The following PCDH15 variants were observed in gnomAD, a reference collection of about 807,000 sequenced individuals.
PCDH15 encodes the protein protocadherin-15.
In PCDH15, 129 loss-of-function variants were observed where a neutral mutation model predicts 178.5. The observed-to-expected ratio is 0.72, with a 90% CI of 0.63 to 0.84. The LOEUF is 0.84. Ranked by LOEUF, PCDH15 falls within the 40% of genes least tolerant of loss-of-function variation. PCDH15 has a pLI of 0.00. For missense variants in PCDH15, 2,230 were observed against 2,099.9 expected (o/e 1.06, Z -1.21); for synonymous variants, 800 against 732.0 (o/e 1.09, Z -1.50).
intron 11 of PCDH15, among the ~76,000 whole-genome samples, chr10:54,190,913 T>C (rs2048932217): frequency 1.3e-5 from 2 of 152,228 alleles, no homozygotes; most frequent in Admixed American, 1.3e-4. Flanking sequence ...TTCATAGATT[T>C]ATTTTGTGTG....
chr10:55,599,856 A>C, intron 2 of PCDH15: 1 of 1,318,412 alleles, frequency 7.6e-7, no homozygotes. Flanking sequence ...CTGAACTTGC[A>C]AAGGTAGCAT....
intron 3 of PCDH15, among the ~76,000 whole-genome samples, chr10:54,434,928 A>G (rs184085731): frequency 7.7e-4 from 117 of 152,330 alleles, no homozygotes; most frequent in Non-Finnish European, 1.3e-3. Flanking sequence ...CAACACATCT[A>G]TTTTTAGTAG....
At chr10:54,011,172 C>A (rs1277299868) in intron 20 of PCDH15, among the ~76,000 whole-genome samples, 1 of 152,282 alleles carries the variant, frequency 6.6e-6, no homozygotes, top group South Asian at 2.1e-4. Context: ...AGGTTGAGCA[C>A]CCAGGGACAA....
intron 2 of PCDH15, among the ~76,000 whole-genome samples, chr10:54,971,997 C>T (rs185809482): frequency 1.1e-3 from 171 of 152,204 alleles, no homozygotes; most frequent in African/African-American, 4.0e-3. Flanking sequence ...TCATTAACTA[C>T]GGATACAAAC....
rs1301789219 is a variant in PCDH15, at chr10:54,185,281, A to G, written c.1306-13T>C. 1.2e-6 allele frequency: 2 copies of G among 1,613,324 alleles called. No individual in the cohort carries two copies. Among genetic ancestry groups the G allele is most frequent in the East Asian group, 2.2e-5 (1 of 44,796 alleles). ...CTGGGTCTTTTGTCTTTGAAAAAAA[A>G]TGACATCGTTTCAAACGTTGAATAA... On this transcript the variant is annotated splice_polypyrimidine_tract_variant and intron_variant, in intron 11 of 37. Transcript: ENST00000644397.
intron 3 of PCDH15, among the ~76,000 whole-genome samples, chr10:54,388,332 T>C (rs1455934002): frequency 6.6e-6 from 1 of 152,160 alleles, no homozygotes; most frequent in Non-Finnish European, 1.5e-5. Context: ...AGAACCCAAA[T>C]GTCACCCAGC....
rs150105002 is a variant in PCDH15, at chr10:54,048,162, T to C, written c.2220+18595A>G. 3.2e-4 allele frequency among the ~76,000 whole-genome samples: 48 copies of C among 152,286 alleles called. 1 individual carries two copies. The highest frequency in any genetic ancestry group is 1.1e-3 in the African/African-American group (45 of 41,574). On this transcript the variant is annotated intron_variant, in intron 18 of 37. Coordinates refer to ENST00000644397, the MANE Select transcript of PCDH15 (RefSeq NM_001384140.1). Reference sequence around the variant, plus strand: ...ATATGCATTTCTTGATGATTTATGATGTGGATCATTTTTTCATTTGTTTGT... The same window carrying C: ...ATATGCATTTCTTGATGATTTATGACGTGGATCATTTTTTCATTTGTTTGT...
chr10:54,535,405 C>A (rs1028470424), intron 2 of PCDH15, among the ~76,000 whole-genome samples: 1 of 151,988 alleles, frequency 6.6e-6, no homozygotes, highest in Non-Finnish European at 1.5e-5. Flanking sequence ...AGACCAGAAG[C>A]CCATACTTAG....
intron 3 of PCDH15, among the ~76,000 whole-genome samples, chr10:54,393,263 T>C (rs1950777023): frequency 6.6e-6 from 1 of 152,162 alleles, no homozygotes; most frequent in African/African-American, 2.4e-5. Flanking sequence ...GGCAACACAA[T>C]CATATCTCCA....
chr10:54,862,789 G>A (rs1459596072), intron 3 of PCDH15, among the ~76,000 whole-genome samples: 2 of 152,172 alleles, frequency 1.3e-5, no homozygotes, highest in African/African-American at 2.4e-5. Flanking sequence ...TCTGATAGGA[G>A]CTGAAGCAGT....
At chr10:55,450,955 C>CTATATATATATA (rs56986885) in intron 2 of PCDH15, among the ~76,000 whole-genome samples, 2,137 of 122,096 alleles carry the variant, frequency 0.018, 48 homozygotes, top group Non-Finnish European at 0.02. Flanking sequence ...GGGGTAAGAA[C>CTATATATATATA]TATATATATA....
chr10:54,123,514 AAAC>A (rs2041735960), intron 15 of PCDH15, among the ~76,000 whole-genome samples: 1 of 152,140 alleles, frequency 6.6e-6, no homozygotes, highest in African/African-American at 2.4e-5. Context: ...TTTAAAAGTA[AAAC>A]AACAACAGAT....
At chr10:55,268,565 G>C (rs2132244000) in intron 1 of PCDH15, among the ~76,000 whole-genome samples, 1 of 152,098 alleles carries the variant, frequency 6.6e-6, no homozygotes, top group Non-Finnish European at 1.5e-5. Context: ...ACCTTTTACT[G>C]TATTAAATTC....
chr10:54,748,085 C>T (rs146520355), intron 1 of PCDH15, among the ~76,000 whole-genome samples: 405 of 152,136 alleles, frequency 2.7e-3, no homozygotes, highest in Non-Finnish European at 4.3e-3. Context: ...AATTACAAGG[C>T]GTGAGCCACC....
At chr10:55,447,865 T>C (rs1565149935) in intron 2 of PCDH15, among the ~76,000 whole-genome samples, 3 of 151,858 alleles carry the variant, frequency 2.0e-5, no homozygotes, top group African/African-American at 7.2e-5. Flanking sequence ...GGAGTATAAG[T>C]GTAAGGAGTC....
At chr10:55,313,093 A>G (rs868733113) in intron 1 of PCDH15, among the ~76,000 whole-genome samples, 7 of 152,218 alleles carry the variant, frequency 4.6e-5, no homozygotes, top group South Asian at 2.1e-4. Flanking sequence ...CTGTCCCCAT[A>G]GAACTTCTAT....
intron 4 of PCDH15, among the ~76,000 whole-genome samples, chr10:54,370,809 G>T (rs1309840985): frequency 6.6e-6 from 1 of 151,756 alleles, no homozygotes; most frequent in African/African-American, 2.4e-5. Context: ...TGAGAAAAAT[G>T]CTACAGAAAC....
At chr10:54,832,493 T>C (rs1229032076) in intron 3 of PCDH15, among the ~76,000 whole-genome samples, 3 of 152,178 alleles carry the variant, frequency 2.0e-5, no homozygotes, top group Non-Finnish European at 2.9e-5. Flanking sequence ...TTATGAAAGG[T>C]TAAGGTTACT....
chr10:55,107,665 G>A (rs556523597), intron 2 of PCDH15, among the ~76,000 whole-genome samples: 2 of 151,268 alleles, frequency 1.3e-5, no homozygotes, highest in African/African-American at 2.4e-5. Flanking sequence ...CTAATTTTTT[G>A]TATCTTTAGT....
Sources: gnomAD v4.1 joint callset for allele counts (sites outside exome capture counted in the v4.1 genomes callset) on GRCh38, gnomAD v4.1.1 for gene constraint, MANE v1.5 for transcripts, NCBI Gene and HGNC (gene_info 2026-07-23, HGNC 2026-07-21) for gene names.